Variants in AFF3 observed in about 807,000 individuals in gnomAD.
The protein encoded by AFF3 is AF4/FMR2 family member 3.
AFF3 carries 32 observed loss-of-function variants against 129.7 expected under a neutral mutation model. The observed-to-expected ratio is 0.25, with a 90% CI of 0.19 to 0.33. The LOEUF (loss-of-function observed/expected upper bound fraction) is 0.33, where lower values mean the gene tolerates loss of function less well. Ranked by LOEUF, AFF3 falls within the 10% of genes least tolerant of loss-of-function variation. The probability of loss-of-function intolerance (pLI) is 1.00; values close to 1 mark genes in which losing one functional copy is unlikely to be tolerated. For missense variants in AFF3, 1,373 were observed against 1,592.0 expected (o/e 0.86, Z 2.34); for synonymous variants, 644 against 635.4 (o/e 1.01, Z -0.20).
In AFF3 at chr2:99,941,701, C is replaced by G. The variant is rs567994515; in HGVS notation, c.873+64931G>C. On this transcript the variant is annotated intron_variant, in intron 7 of 24. Transcript: ENST00000672756. Reference sequence around the variant, plus strand: ...GACTTAGCTAAAACCCCTCTTCTGTCCTTCCTCCTTCTTCCTCCTTCCTAT... The same window carrying G: ...GACTTAGCTAAAACCCCTCTTCTGTGCTTCCTCCTTCTTCCTCCTTCCTAT... 3.9e-5 allele frequency among the ~76,000 whole-genome samples: 6 copies of G among 152,338 alleles called. No homozygotes were observed. In the East Asian group the frequency reaches 1.2e-3, roughly 29 times the overall value.
chr2:99,658,023 C>T (rs1358910523), intron 12 of AFF3, among the ~76,000 whole-genome samples: 1 of 152,334 alleles, frequency 6.6e-6, no homozygotes, highest in African/African-American at 2.4e-5. Flanking sequence ...GTGTGACATC[C>T]ACTTCCTGGT....
intron 9 of AFF3, among the ~76,000 whole-genome samples, chr2:99,746,734 T>C (rs1183076104): frequency 1.3e-5 from 2 of 152,180 alleles, no homozygotes; most frequent in Admixed American, 6.5e-5. Flanking sequence ...CCCATGTAGA[T>C]TGGTACGTTT....
intron 4 of AFF3, among the ~76,000 whole-genome samples, chr2:100,074,593 A>G (rs1688450451): frequency 6.6e-6 from 1 of 152,252 alleles, no homozygotes; most frequent in Non-Finnish European, 1.5e-5. Context: ...AACATATCCC[A>G]GCACTGTTTA....
At chr2:99,924,761 A>G (rs1696101405) in intron 7 of AFF3, among the ~76,000 whole-genome samples, 1 of 152,226 alleles carries the variant, frequency 6.6e-6, no homozygotes, top group Admixed American at 6.5e-5. Context: ...CATGAGGTCA[A>G]TCTATCACGT....
At chr2:99,996,136 T>C (rs1460373883) in intron 7 of AFF3, among the ~76,000 whole-genome samples, 1 of 152,138 alleles carries the variant, frequency 6.6e-6, no homozygotes, top group Non-Finnish European at 1.5e-5. Flanking sequence ...ATAAAATCAC[T>C]GAAGTTGTCC....
At chr2:99,779,889 C>T (rs894529073) in intron 8 of AFF3, among the ~76,000 whole-genome samples, 16 of 152,218 alleles carry the variant, frequency 1.1e-4, no homozygotes, top group African/African-American at 3.9e-4. Flanking sequence ...GACCTGGATT[C>T]AGGTCTTCTC....
chr2:100,060,401 T>C (rs933617793), intron 4 of AFF3, among the ~76,000 whole-genome samples: 5 of 152,116 alleles, frequency 3.3e-5, no homozygotes, highest in Non-Finnish European at 5.9e-5. Context: ...AACCCAGTCA[T>C]TTTGGCTCCA....
At chr2:99,706,976 C>T (rs950011820) in intron 11 of AFF3, 1 of 534,382 alleles carries the variant, frequency 1.9e-6, no homozygotes, top group Non-Finnish European at 2.4e-6. Flanking sequence ...TTCCTCTCCT[C>T]TTTTATAGGA....
At chr2:99,955,011 C>G (rs1300642424) in intron 7 of AFF3, among the ~76,000 whole-genome samples, 1 of 150,860 alleles carries the variant, frequency 6.6e-6, no homozygotes, top group Admixed American at 6.6e-5. Context: ...AATAAGAAAG[C>G]TGGAAAAAAA....
At chr2:99,812,434 G>A (rs1256669736) in intron 8 of AFF3, among the ~76,000 whole-genome samples, 1 of 152,216 alleles carries the variant, frequency 6.6e-6, no homozygotes. Flanking sequence ...CACGTGCTGA[G>A]CAGTACCTGA....
intron 24 of AFF3, among the ~76,000 whole-genome samples, chr2:99,552,925 GCTTTT>G (rs1674538139): frequency 6.6e-6 from 1 of 152,068 alleles, no homozygotes; most frequent in African/African-American, 2.4e-5. Context: ...ACTGCTAAGC[GCTTTT>G]CTTTTCTTTA....
intron 11 of AFF3, among the ~76,000 whole-genome samples, chr2:99,686,028 A>C (rs1174609426): frequency 6.6e-6 from 1 of 152,102 alleles, no homozygotes; most frequent in Non-Finnish European, 1.5e-5. Context: ...CTCCACTAAA[A>C]ATACAAAAAA....
intron 14 of AFF3, among the ~76,000 whole-genome samples, chr2:99,600,468 C>T (rs879555276): frequency 3.3e-5 from 5 of 152,232 alleles, no homozygotes; most frequent in African/African-American, 4.8e-5. Context: ...AAGCTGGACA[C>T]GGGGATGCTG....
chr2:99,684,263 T>G (rs965792474), intron 11 of AFF3, among the ~76,000 whole-genome samples: 1 of 152,366 alleles, frequency 6.6e-6, no homozygotes, highest in South Asian at 2.1e-4. Flanking sequence ...CATGGAATTT[T>G]AACAACCTTA....
chr2:100,012,730 CA>C (rs1020907334), intron 4 of AFF3, among the ~76,000 whole-genome samples: 108 of 152,326 alleles, frequency 7.1e-4, no homozygotes, highest in African/African-American at 2.5e-3. Flanking sequence ...TTTCGCCTGA[CA>C]AGCTGAAAGT....
At chr2:100,071,056 T>C (rs111259844) in intron 4 of AFF3, among the ~76,000 whole-genome samples, 270 of 152,302 alleles carry the variant, frequency 1.8e-3, no homozygotes, top group African/African-American at 6.2e-3. Context: ...AGCTAAATAC[T>C]TATCCAGCAC....
chr2:99,926,741 G>C (rs1040954016), intron 7 of AFF3, among the ~76,000 whole-genome samples: 3 of 152,052 alleles, frequency 2.0e-5, no homozygotes, highest in African/African-American at 7.2e-5. Flanking sequence ...GGTCTGTACT[G>C]TCACGATTCA....
chr2:99,983,891 A>C (rs1228099543), intron 7 of AFF3, among the ~76,000 whole-genome samples: 1 of 152,160 alleles, frequency 6.6e-6, no homozygotes, highest in African/African-American at 2.4e-5. Context: ...ATTAGTTTTA[A>C]TTTCATTCAT....
At chr2:99,607,255 G>A (rs11889540) in intron 13 of AFF3, among the ~76,000 whole-genome samples, 4,663 of 152,198 alleles carry the variant, frequency 0.031, 217 homozygotes, top group African/African-American at 0.11. Flanking sequence ...TCTGGAGGCT[G>A]GGTGCAGTGG....
Sources: gnomAD v4.1 joint callset for allele counts (sites outside exome capture counted in the v4.1 genomes callset) on GRCh38, gnomAD v4.1.1 for gene constraint, MANE v1.5 for transcripts, NCBI Gene and HGNC (gene_info 2026-07-23, HGNC 2026-07-21) for gene names.